GSDME: variants seen among roughly 807,000 people sequenced by gnomAD.
GSDME encodes the protein gasdermin E, also known as gasdermin-E.
In GSDME, 44 loss-of-function variants were observed where a neutral mutation model predicts 47.5. The observed-to-expected ratio is 0.93, with a 90% CI of 0.73 to 1.19. The LOEUF is 1.19. Ranked by LOEUF, GSDME falls within the 50% of genes most tolerant of loss-of-function variation. The pLI, the probability that GSDME is intolerant of heterozygous loss-of-function variation, is 0.00. For missense variants in GSDME, 663 were observed against 604.2 expected, an observed-to-expected ratio of 1.10 and a Z score of -1.02; for synonymous variants, 258 against 252.8, an observed-to-expected ratio of 1.02 and a Z score of -0.20.
At chr7:24,772,661 A>G in the GSDME span, among the ~76,000 whole-genome samples, 2 of 152,232 alleles carry the variant, frequency 1.3e-5, no homozygotes, top group African/African-American at 4.8e-5. This position sits in a 1 kb window ranked among gnomAD's most constrained non-coding sequence, Gnocchi z 4.5. Flanking sequence ...TGTTGATTTC[A>G]TGGGCATATT....
At position 24,735,877 on chromosome 7, in the gene GSDME, G is replaced by A. The variant is rs572606612; in HGVS notation, c.404+8685C>T. 5.3e-4 allele frequency among the ~76,000 whole-genome samples: 81 copies of A among 152,010 alleles called. No individual in the cohort carries two copies. The highest frequency in any genetic ancestry group is 1.5e-3 in the African/African-American group (61 of 41,492). On this transcript the variant is annotated intron_variant, in intron 3 of 9. Transcript: ENST00000645220. The surrounding 1 kb of genome is among the most constrained non-coding windows in gnomAD (Gnocchi z 4.4). Reference sequence around the variant, plus strand: ...ATAGAAAAAAGGAAAAAGTTAAGCCGGGGGACAAAGTTAAGGCGTGGAGTT... The same window carrying A: ...ATAGAAAAAAGGAAAAAGTTAAGCCAGGGGACAAAGTTAAGGCGTGGAGTT...
At chr7:24,753,391 T>C (rs1385836514) in intron 1 of GSDME, among the ~76,000 whole-genome samples, 1 of 152,252 alleles carries the variant, frequency 6.6e-6, no homozygotes, top group Non-Finnish European at 1.5e-5. Context: ...AGATGTATCA[T>C]TGCGCATTTT....
chr7:24,737,672 C>A (rs1290362261), intron 3 of GSDME, among the ~76,000 whole-genome samples: 1 of 141,300 alleles, frequency 7.1e-6, no homozygotes, highest in East Asian at 2.3e-4. Flanking sequence ...ACCCTGATAC[C>A]AAAACCAGAC....
chr7:24,725,816 A>G lies in GSDME; in HGVS notation c.405-6598T>C, dbSNP rs1789947204. Among the ~76,000 whole-genome samples, 1 of 151,954 alleles carries G rather than the reference A, an allele frequency of 6.6e-6. No homozygotes were observed. Among genetic ancestry groups the G allele is most frequent in the African/African-American group, 2.4e-5 (1 of 41,358 alleles). On this transcript the variant is annotated intron_variant, in intron 3 of 9. Coordinates refer to ENST00000645220, the MANE Select transcript of GSDME (RefSeq NM_001127453.2). This position sits in a 1 kb window ranked among gnomAD's most constrained non-coding sequence, Gnocchi z 5.1. ...ATTTCATTTCTGCCTTTTAGTTTTT[A>G]CTTTTTCTTTCTTTGGAGGCAGAAA...
Position 24,725,435 on chromosome 7 carries a change from C to T in GSDME, c.405-6217G>A, listed in dbSNP as rs566675379. Among the ~76,000 whole-genome samples, 4 of 152,084 alleles carry T rather than the reference C, an allele frequency of 2.6e-5. No homozygotes were observed. Among genetic ancestry groups the T allele is most frequent in the Admixed American group, 6.5e-5 (1 of 15,282 alleles). On this transcript the variant is annotated intron_variant, in intron 3 of 9. Coordinates refer to ENST00000645220, the MANE Select transcript of GSDME (RefSeq NM_001127453.2). This position sits in a 1 kb window ranked among gnomAD's most constrained non-coding sequence, Gnocchi z 5.1. ...CTCAGCCAGGTGTAGGAGGACGAGC[C>T]GCAGACAAAACTCCTCAGATACCAA... is the stretch of plus-strand genomic sequence containing the variant.
chr7:24,707,518 G>A (rs1789162695), intron 7 of GSDME: 1 of 438,800 alleles, frequency 2.3e-6, no homozygotes, highest in South Asian at 1.7e-5. Context: ...CCCCCTTGCA[G>A]TAGTCTGAGT....
At chr7:24,786,898 A>G in the GSDME span, among the ~76,000 whole-genome samples, 1 of 152,160 alleles carries the variant, frequency 6.6e-6, no homozygotes, top group South Asian at 2.1e-4. The surrounding 1 kb of genome is among the most constrained non-coding windows in gnomAD (Gnocchi z 5.5). Context: ...TTTTGGAGAG[A>G]TGACCTCTCT....
Position 24,739,816 on chromosome 7 carries a change from T to G in GSDME, c.404+4746A>C, listed in dbSNP as rs1022285120. On this transcript the variant is annotated intron_variant, in intron 3 of 9. Coordinates refer to ENST00000645220, the MANE Select transcript of GSDME (RefSeq NM_001127453.2). The surrounding 1 kb of genome is among the most constrained non-coding windows in gnomAD (Gnocchi z 5.1). The stretch of plus-strand genomic sequence containing the variant: ...TTAAAAAAAGAGTAAGATCCTGGGC[T>G]GGGCGCAGTGGCTCACGCCCATAAT... 3.3e-5 allele frequency among the ~76,000 whole-genome samples: 5 copies of G among 152,178 alleles called. No homozygotes were observed. In the South Asian group the frequency reaches 6.2e-4, roughly 19 times the overall value.
rs1213817964 is a variant in GSDME at position 24,754,119 on chromosome 7, T to C, written c.-20+3277A>G. ...GGCCTCAGGAGGCATCATGCTCAAA[T>C]AGCTCATGGCCTAAAAACTCACTGC... On this transcript the variant is annotated intron_variant, in intron 1 of 9. Transcript: ENST00000645220. The surrounding 1 kb of genome is among the most constrained non-coding windows in gnomAD (Gnocchi z 5.0). 6.6e-6 allele frequency among the ~76,000 whole-genome samples: 1 copy of C among 152,192 alleles called. No individual in the cohort carries two copies. Among genetic ancestry groups the C allele is most frequent in the Admixed American group, 6.5e-5 (1 of 15,280 alleles).
At chr7:24,789,625 C>T in the GSDME span, among the ~76,000 whole-genome samples, 4 of 152,200 alleles carry the variant, frequency 2.6e-5, no homozygotes, top group Non-Finnish European at 5.9e-5. Context: ...AACTACCAGG[C>T]CCAGGGCGCA....
chr7:24,735,659 G>A lies in GSDME; in HGVS notation c.404+8903C>T, dbSNP rs1016616987. Among the ~76,000 whole-genome samples, 3 of 152,106 alleles carry A rather than the reference G, an allele frequency of 2.0e-5. No homozygotes were observed. The highest frequency in any genetic ancestry group is 2.0e-4 in the Admixed American group (3 of 15,270). On this transcript the variant is annotated intron_variant, in intron 3 of 9. Transcript: ENST00000645220. The surrounding 1 kb of genome is among the most constrained non-coding windows in gnomAD (Gnocchi z 4.4). ...TGTAATCCCAACTACTCAGGAGGCTGAGGCAGGAGAATCACTGGAACCTGG... is the reference window on the plus strand; with the variant it reads ...TGTAATCCCAACTACTCAGGAGGCTAAGGCAGGAGAATCACTGGAACCTGG...
chr7:24,743,455 T>A (rs1188203233), intron 3 of GSDME, among the ~76,000 whole-genome samples: 1 of 152,184 alleles, frequency 6.6e-6, no homozygotes, highest in East Asian at 1.9e-4. Context: ...ATTACTGCAA[T>A]AACTTCTCAA....
chr7:24,724,423 G>A lies in GSDME; in HGVS notation c.405-5205C>T, dbSNP rs924435387. ...AGCTCTTCCAGGAGAAAATGAACAAGCAGAGGTTCTTCATCCGCTTCACAC... is the reference window on the plus strand; with the variant it reads ...AGCTCTTCCAGGAGAAAATGAACAAACAGAGGTTCTTCATCCGCTTCACAC... On this transcript the variant is annotated intron_variant, in intron 3 of 9. Coordinates refer to ENST00000645220, the MANE Select transcript of GSDME (RefSeq NM_001127453.2). The surrounding 1 kb of genome is among the most constrained non-coding windows in gnomAD (Gnocchi z 4.8). 1.3e-5 allele frequency among the ~76,000 whole-genome samples: 2 copies of A among 152,174 alleles called. No individual in the cohort carries two copies. Among genetic ancestry groups the A allele is most frequent in the East Asian group, 3.9e-4 (2 of 5,188 alleles).
chr7:24,768,212 G>A, the GSDME span, among the ~76,000 whole-genome samples: 2 of 152,198 alleles, frequency 1.3e-5, no homozygotes, highest in Non-Finnish European at 1.5e-5. The surrounding 1 kb of genome is among the most constrained non-coding windows in gnomAD (Gnocchi z 5.6). Flanking sequence ...ACTGCAGTGC[G>A]TGGACCAAAA....
intron 5 of GSDME, chr7:24,715,504 G>C: frequency 2.1e-6 from 1 of 470,820 alleles, no homozygotes; most frequent in Non-Finnish European, 4.4e-6. Flanking sequence ...AGTAAGCTGC[G>C]GGGGAGTGAC....
chr7:24,710,965 G>A (rs78867620), intron 5 of GSDME, among the ~76,000 whole-genome samples: 5,861 of 152,288 alleles, frequency 0.038, 158 homozygotes, highest in Non-Finnish European at 0.057. Context: ...CTCTGAATCT[G>A]TTTCTACAAA....
chr7:24,728,026 G>A lies in GSDME; in HGVS notation c.405-8808C>T, dbSNP rs548489726. Among the ~76,000 whole-genome samples the A allele has an allele frequency of 6.8e-4, 103 of 152,306 alleles. 2 individuals are homozygous for A. In the South Asian group the frequency reaches 0.02, roughly 29 times the overall value. ...GTTCGGGAGCTAGGGGGGCTGTAAC[G>A]GGAGGAAGAGACAGGGTGCACCCAG... On this transcript the variant is annotated intron_variant, in intron 3 of 9. Transcript: ENST00000645220. This position sits in a 1 kb window ranked among gnomAD's most constrained non-coding sequence, Gnocchi z 7.2.
At chr7:24,717,478 C>A (rs1789612030) in intron 4 of GSDME, 104 bp from the exon 5 acceptor site, 1 of 1,551,176 alleles carries the variant, frequency 6.4e-7, no homozygotes, top group Non-Finnish European at 8.8e-7. Flanking sequence ...AGATGCTGAG[C>A]AATGTCCACA....
Position 24,735,224 on chromosome 7 carries a change from CAT to C in GSDME, c.404+9336_404+9337del, listed in dbSNP as rs765755081. Among the ~76,000 whole-genome samples, 35 of 152,156 alleles carry C rather than the reference CAT, an allele frequency of 2.3e-4. No homozygotes were observed. The highest frequency in any genetic ancestry group is 7.5e-4 in the African/African-American group (31 of 41,448). ...CTATCCTTCAAACATGAAGGAGAAA[CAT>C]AGACTTTCTCAAAGAAAAGCTGAAG... On this transcript the variant is annotated intron_variant, in intron 3 of 9. Transcript: ENST00000645220. The surrounding 1 kb of genome is among the most constrained non-coding windows in gnomAD (Gnocchi z 4.4).
Sources: gnomAD v4.1 joint callset for allele counts (sites outside exome capture counted in the v4.1 genomes callset) on GRCh38, gnomAD v4.1.1 for gene constraint, Gnocchi (gnomAD v3.1) non-coding constraint, MANE v1.5 for transcripts, NCBI Gene and HGNC (gene_info 2026-07-23, HGNC 2026-07-21) for gene names.